SYNGR2: variants seen among roughly 807,000 people sequenced by gnomAD.
The protein encoded by SYNGR2 is synaptogyrin-2.
A neutral mutation model predicts 18.7 loss-of-function variants in SYNGR2; 11 were observed. That is an observed-to-expected ratio of 0.59 (90% CI 0.37 to 0.97). SYNGR2 has a LOEUF of 0.97. SYNGR2 is among the 50% of genes least tolerant of loss of function. SYNGR2 has a pLI of 0.01. For synonymous variants in SYNGR2, 127 were observed against 131.0 expected (o/e 0.97, Z 0.21); for missense variants, 253 against 300.7 (o/e 0.84, Z 1.17).
chr17:78,168,806 G>T, intron 1 of SYNGR2, 91 bp downstream of exon 1: 2 of 1,104,628 alleles, frequency 1.8e-6, no homozygotes, highest in Non-Finnish European at 2.2e-6. Context: ...AGCGCGACAG[G>T]TGGCGGCGGC....
rs1350971215 is a variant in SYNGR2, at chr17:78,171,317, C to CT, written c.338-192dup. On this transcript the variant is annotated intron_variant, in intron 2 of 3. Transcript: ENST00000225777. This position sits in a 1 kb window ranked among gnomAD's most constrained non-coding sequence, Gnocchi z 6.6. The stretch of plus-strand genomic sequence containing the variant: ...CCCCTTTTGTCCCCTAGGCTGTCTG[C>CT]TGTGGCCCACCCTGCCAAGGCCCGA... 5 of 725,244 alleles carry CT rather than the reference C, an allele frequency of 6.9e-6. No homozygotes were observed. The highest frequency in any genetic ancestry group is 1.1e-5 in the Non-Finnish European group (5 of 452,576). The allele number at this position is 725,244 out of a possible 1,614,324, so 44.9% of individuals were successfully genotyped here.
In SYNGR2 at chr17:78,172,009, G is replaced by C. The variant is rs546971234; in HGVS notation, c.*73G>C. ...CCTGGACTTTCCCATGAGCCTCCTGGAACTGCCAGCCCCTCTCTTTCACCT... is the reference window on the plus strand; with the variant it reads ...CCTGGACTTTCCCATGAGCCTCCTGCAACTGCCAGCCCCTCTCTTTCACCT... On this transcript the variant is annotated 3_prime_UTR_variant, in exon 4 of 4. Transcript: ENST00000225777. The C allele has an allele frequency of 8.6e-5, 138 of 1,598,160 alleles. No homozygotes were observed. The highest frequency in any genetic ancestry group is 1.1e-4 in the Non-Finnish European group (131 of 1,177,362).
rs755183178 is a variant in SYNGR2 at position 78,171,102 on chromosome 17, CTA to C, written c.337+49_337+50del. On this transcript the variant is annotated intron_variant, in intron 2 of 3. Transcript: ENST00000225777. This position sits in a 1 kb window ranked among gnomAD's most constrained non-coding sequence, Gnocchi z 6.6. ...TTTGATCTTGGGGGAGGCATTAACT[CTA>C]GGGTTCCGCAGCTGGGAGGGTCTCG... 20 of 1,574,628 alleles carry C rather than the reference CTA, an allele frequency of 1.3e-5. 1 individual carries two copies. The African/African-American group carries it at 2.7e-4, about 21-fold the overall frequency.
In SYNGR2 at chr17:78,171,317, C is replaced by T. The variant is rs2075656735; in HGVS notation, c.338-193C>T. ...CCCCTTTTGTCCCCTAGGCTGTCTG[C>T]TGTGGCCCACCCTGCCAAGGCCCGA... On this transcript the variant is annotated intron_variant, in intron 2 of 3. Transcript: ENST00000225777. The surrounding 1 kb of genome is among the most constrained non-coding windows in gnomAD (Gnocchi z 6.6). 1 of 725,362 alleles carries T rather than the reference C, an allele frequency of 1.4e-6. No homozygotes were observed. Among genetic ancestry groups the T allele is most frequent in the East Asian group, 2.7e-5 (1 of 36,694 alleles). 44.9% of individuals were successfully genotyped at this position (725,362 alleles called of 1,614,324 possible). A position where few individuals can be genotyped will look rare whatever the true frequency, so the allele number is the denominator to read the frequency against.
chr17:78,168,654 G>A lies in SYNGR2; in HGVS notation c.38G>A (p.Gly13Asp), dbSNP rs2075635857. The stretch of plus-strand genomic sequence containing the variant: ...GCCTACGGCGCGGCCAAGGCGGGCG[G>A]CTCCTTCGACCTGCGGCGCTTCCTG... ...SGAYGAAKAGGSFDLRRFLTQ... is the reference protein window; with the variant it reads ...SGAYGAAKAGDSFDLRRFLTQ... Residue 13 changes from glycine (G) to aspartate (D), a missense_variant, in exon 1 of 4, where the codon GGC becomes GAC. Gly to Asp is a moderately conservative substitution (Grantham distance 94, BLOSUM62 -1). Transcript: ENST00000225777. 1 of 1,205,180 alleles carries A rather than the reference G, an allele frequency of 8.3e-7. No individual in the cohort carries two copies. The highest frequency in any genetic ancestry group is 1.0e-6 in the Non-Finnish European group (1 of 970,834). The allele number at this position is 1,205,180 out of a possible 1,614,324, so 74.7% of individuals were successfully genotyped here.
chr17:78,171,614 G>A lies in SYNGR2; in HGVS notation c.442G>A (p.Ala148Thr). Residue 148 changes from alanine to threonine, a missense_variant, in exon 3 of 4, where the codon GCC becomes ACC. Ala to Thr is a moderately conservative substitution (Grantham distance 58, BLOSUM62 0). Transcript: ENST00000225777. This position sits in a 1 kb window ranked among gnomAD's most constrained non-coding sequence, Gnocchi z 6.6. ...GGTGGGGGCCGACTCTGTGAGGGCA[G>A]CCATCACCTTCAGCTTCTTTTCCAT... is the stretch of plus-strand genomic sequence containing the variant. ...VLVGADSVRAAITFSFFSIFS... is the reference protein window; with the variant it reads ...VLVGADSVRATITFSFFSIFS... The A allele has an allele frequency of 6.3e-7, 1 of 1,581,756 alleles. No individual in the cohort carries two copies.
intron 1 of SYNGR2, chr17:78,169,029 C>T (rs556717587): frequency 5.6e-6 from 1 of 177,964 alleles, no homozygotes; most frequent in African/African-American, 2.4e-5. Context: ...GGGCGGCTCC[C>T]GGACAGGTGG....
At chr17:78,169,490 G>T (rs2075644224) in intron 1 of SYNGR2, among the ~76,000 whole-genome samples, 1 of 152,182 alleles carries the variant, frequency 6.6e-6, no homozygotes, top group African/African-American at 2.4e-5. Context: ...AGTGGGTCGG[G>T]ATGGCAGTGC....
intron 1 of SYNGR2, chr17:78,169,962 AGGGTTCCAG>A (rs944031140): frequency 6.6e-6 from 1 of 152,454 alleles, no homozygotes; most frequent in African/African-American, 2.4e-5. Context: ...TGAACCAGGG[AGGGTTCCAG>A]GGGTTCCAGG....
At position 78,171,048 on chromosome 17, in the gene SYNGR2, T is replaced by C. The variant is rs62079092; in HGVS notation, c.331T>C (p.Phe111Leu). 590 of 1,612,892 alleles carry C rather than the reference T, an allele frequency of 3.7e-4. No individual in the cohort carries two copies. Among genetic ancestry groups the C allele is most frequent in the Non-Finnish European group, 4.7e-4 (554 of 1,179,788 alleles). Residue 111 changes from phenylalanine to leucine, a missense_variant, in exon 2 of 4, where the codon TTC becomes CTC. Coordinates refer to ENST00000225777, the MANE Select transcript of SYNGR2 (RefSeq NM_004710.7). The surrounding 1 kb of genome is among the most constrained non-coding windows in gnomAD (Gnocchi z 6.6). ...GTACCTGGTCATTGGTGACCTGCTC[T>C]TCTCAGGTATCTGCCTGTGGCACCT... ...RKYLVIGDLLFSALWTFLWFV... is the reference protein window; with the variant it reads ...RKYLVIGDLLLSALWTFLWFV...
At chr17:78,170,627 G>T in intron 1 of SYNGR2, 190 bp from the exon 2 acceptor site, 1 of 646,074 alleles carries the variant, frequency 1.5e-6, no homozygotes, top group South Asian at 1.8e-5. Flanking sequence ...AGAGGATGCA[G>T]TGAGCCGAGA....
In SYNGR2 at chr17:78,171,409, TC is replaced by T. The variant is rs1480556708; in HGVS notation, c.338-96del. The T allele has an allele frequency of 7.6e-5, 107 of 1,404,780 alleles. No homozygotes were observed. Among genetic ancestry groups the T allele is most frequent in the Admixed American group, 9.6e-5 (4 of 41,788 alleles). The allele number at this position is 1,404,780 out of a possible 1,614,324, so 87.0% of individuals were successfully genotyped here. On this transcript the variant is annotated intron_variant, in intron 2 of 3. Coordinates refer to ENST00000225777, the MANE Select transcript of SYNGR2 (RefSeq NM_004710.7). This position sits in a 1 kb window ranked among gnomAD's most constrained non-coding sequence, Gnocchi z 6.6. Reference sequence around the variant, plus strand: ...GTCCTCCCCTCCATAGTGTGGAGGCTCCCCCGGGAGGTCCCTGCCCTACCTG... The same window carrying T: ...GTCCTCCCCTCCATAGTGTGGAGGCTCCCCGGGAGGTCCCTGCCCTACCTG...
intron 1 of SYNGR2, 43 bp downstream of exon 1, chr17:78,168,758 C>G (rs2075636803): frequency 8.4e-7 from 1 of 1,184,570 alleles, no homozygotes; most frequent in South Asian, 4.3e-5. Context: ...TGGGGACCCC[C>G]TCTCCGTCGC....
chr17:78,169,519 A>C (rs2075644404), intron 1 of SYNGR2, among the ~76,000 whole-genome samples: 1 of 151,440 alleles, frequency 6.6e-6, no homozygotes, highest in African/African-American at 2.4e-5. Context: ...CTGGATGGGC[A>C]CCCTGCTCCC....
chr17:78,172,420 G>A lies in SYNGR2; in HGVS notation c.*484G>A, dbSNP rs777899132. On this transcript the variant is annotated 3_prime_UTR_variant, in exon 4 of 4. Coordinates refer to ENST00000225777, the MANE Select transcript of SYNGR2 (RefSeq NM_004710.7). Reference sequence around the variant, plus strand: ...GTTTGCTTCCCCTGTGCCCACTGCTGTATGATCTGGGGGCCACCACCCTGT... The same window carrying A: ...GTTTGCTTCCCCTGTGCCCACTGCTATATGATCTGGGGGCCACCACCCTGT... 12 of 205,580 alleles carry A rather than the reference G, an allele frequency of 5.8e-5. No individual in the cohort carries two copies. Among genetic ancestry groups the A allele is most frequent in the Non-Finnish European group, 1.2e-4 (12 of 101,488 alleles). The allele number at this position is 205,580 out of a possible 1,614,324, so 12.7% of individuals were successfully genotyped here.
Position 78,168,654 on chromosome 17 carries a change from G to C in SYNGR2, c.38G>C (p.Gly13Ala), listed in dbSNP as rs2075635857. Residue 13 changes from glycine (G) to alanine (A), a missense_variant, in exon 1 of 4, where the codon GGC becomes GCC. Physicochemically the swap from Gly to Ala is moderately conservative, Grantham distance 60. Transcript: ENST00000225777. ...SGAYGAAKAG[G>A]SFDLRRFLTQ... ...GCCTACGGCGCGGCCAAGGCGGGCG[G>C]CTCCTTCGACCTGCGGCGCTTCCTG... 3.3e-6 allele frequency: 4 copies of C among 1,205,182 alleles called. No homozygotes were observed. In the South Asian group the frequency reaches 1.2e-4, roughly 37 times the overall value. The allele number at this position is 1,205,182 out of a possible 1,614,324, so 74.7% of individuals were successfully genotyped here. A position where few individuals can be genotyped will look rare whatever the true frequency, so the allele number is the denominator to read the frequency against.
At position 78,172,388 on chromosome 17, in the gene SYNGR2, C is replaced by T. The variant is rs1196352080; in HGVS notation, c.*452C>T. ...GAGCCGGACCAGGCTCTTGTGTCCT[C>T]ACTCAGGTTTGCTTCCCCTGTGCCC... On this transcript the variant is annotated 3_prime_UTR_variant, in exon 4 of 4. Coordinates refer to ENST00000225777, the MANE Select transcript of SYNGR2 (RefSeq NM_004710.7). The T allele has an allele frequency of 1.9e-5, 5 of 258,140 alleles. No homozygotes were observed. Among genetic ancestry groups the T allele is most frequent in the Non-Finnish European group, 3.7e-5 (5 of 134,626 alleles). The allele number at this position is 258,140 out of a possible 1,614,324, so 16.0% of individuals were successfully genotyped here.
chr17:78,171,622 C>T lies in SYNGR2; in HGVS notation c.450C>T (p.Thr150=). The T allele has an allele frequency of 6.3e-7, 1 of 1,588,722 alleles. No individual in the cohort carries two copies. Among genetic ancestry groups the T allele is most frequent in the Non-Finnish European group, 8.6e-7 (1 of 1,164,114 alleles). The change falls in exon 3 of 4, where the codon ACC becomes ACT. Residue 150 remains threonine (T), a synonymous_variant. Coordinates refer to ENST00000225777, the MANE Select transcript of SYNGR2 (RefSeq NM_004710.7). This position sits in a 1 kb window ranked among gnomAD's most constrained non-coding sequence, Gnocchi z 6.6. Reference sequence around the variant, plus strand: ...CCGACTCTGTGAGGGCAGCCATCACCTTCAGCTTCTTTTCCATCTTCTCCT... The same window carrying T: ...CCGACTCTGTGAGGGCAGCCATCACTTTCAGCTTCTTTTCCATCTTCTCCT... ...VGADSVRAAI[T]FSFFSIFSWG...
rs779710829 is a variant in SYNGR2 at position 78,171,817 on chromosome 17, C to T, written c.556C>T (p.Pro186Ser). 1 of 1,614,140 alleles carries T rather than the reference C, an allele frequency of 6.2e-7. No homozygotes were observed. Among genetic ancestry groups the T allele is most frequent in the South Asian group, 1.1e-5 (1 of 91,084 alleles). The change falls in exon 4 of 4, where the codon CCG (proline) becomes TCG (serine). Residue 186 changes from proline (P) to serine (S), a missense_variant. Physicochemically the swap from Pro to Ser is moderately conservative, Grantham distance 74. Coordinates refer to ENST00000225777, the MANE Select transcript of SYNGR2 (RefSeq NM_004710.7). The surrounding 1 kb of genome is among the most constrained non-coding windows in gnomAD (Gnocchi z 6.6). ...DFIQNYVDPT[P>S]DPNTAYASYP... ...CATCCAGAATTACGTTGACCCCACT[C>T]CGGACCCCAACACTGCCTACGCCTC...
Sources: gnomAD v4.1 joint callset for allele counts (sites outside exome capture counted in the v4.1 genomes callset) on GRCh38, gnomAD v4.1.1 for gene constraint, Gnocchi (gnomAD v3.1) non-coding constraint, MANE v1.5 for transcripts, NCBI Gene and HGNC (gene_info 2026-07-23, HGNC 2026-07-21) for gene names.